WWOX: variants seen among roughly 807,000 people sequenced by gnomAD.
WWOX encodes WW domain-containing oxidoreductase.
In WWOX, 69 loss-of-function variants were observed where a neutral mutation model predicts 46.2. That is an observed-to-expected ratio of 1.49 (90% CI 1.23 to 1.82). The LOEUF is 1.82. Ranked by LOEUF, WWOX falls within the 40% of genes most tolerant of loss-of-function variation. The probability of loss-of-function intolerance (pLI) is 0.00; values close to 1 mark genes in which losing one functional copy is unlikely to be tolerated. For missense variants in WWOX, 919 were observed against 542.6 expected (o/e 1.69, Z -6.89); for synonymous variants, 359 against 202.6 (o/e 1.77, Z -6.56).
chr16:78,863,278 G>A (rs1451927906), intron 8 of WWOX, among the ~76,000 whole-genome samples: 1 of 152,060 alleles, frequency 6.6e-6, no homozygotes, highest in Non-Finnish European at 1.5e-5. Context: ...GTTTTAACTT[G>A]GAAACAATGA....
At chr16:78,414,095 C>A (rs935861080) in intron 6 of WWOX, among the ~76,000 whole-genome samples, 61 of 152,086 alleles carry the variant, frequency 4.0e-4, no homozygotes, top group African/African-American at 1.4e-3. Context: ...CTTCCTGAGG[C>A]AGTGAGTCTC....
chr16:78,773,398 G>T (rs1211011686), intron 8 of WWOX, among the ~76,000 whole-genome samples: 2 of 152,162 alleles, frequency 1.3e-5, no homozygotes, highest in East Asian at 1.9e-4. Context: ...CCCACCCATG[G>T]GTAAGTCATT....
At chr16:78,873,258 A>T (rs1387446794) in intron 8 of WWOX, 1 of 152,242 alleles carries the variant, frequency 6.6e-6, no homozygotes, top group Non-Finnish European at 1.5e-5. Context: ...TTTGTTTTAG[A>T]TAGAGGTTTG....
At chr16:78,117,316 G>C (rs552787375) in intron 4 of WWOX, among the ~76,000 whole-genome samples, 1 of 152,100 alleles carries the variant, frequency 6.6e-6, no homozygotes, top group East Asian at 1.9e-4. Flanking sequence ...CTATTCAAGT[G>C]CCCACAGCTC....
chr16:79,066,243 C>G (rs2048439154), intron 8 of WWOX, among the ~76,000 whole-genome samples: 3 of 152,174 alleles, frequency 2.0e-5, no homozygotes, highest in Non-Finnish European at 4.4e-5. Context: ...TTAAGCCCAC[C>G]TTCCATACCT....
chr16:79,190,862 C>T (rs756380230), intron 8 of WWOX, among the ~76,000 whole-genome samples: 4 of 152,132 alleles, frequency 2.6e-5, no homozygotes, highest in East Asian at 1.9e-4. Context: ...TTACTATCTG[C>T]CCTTTTGCAG....
At chr16:78,338,689 C>T (rs2080946981) in intron 5 of WWOX, among the ~76,000 whole-genome samples, 1 of 121,562 alleles carries the variant, frequency 8.2e-6, no homozygotes, top group African/African-American at 2.8e-5. Context: ...AGGTTGTGCT[C>T]TGTCGTAATT....
Position 78,404,829 on chromosome 16 carries a change from A to C in WWOX, c.605+17881A>C, listed in dbSNP as rs977040406. Among the ~76,000 whole-genome samples the C allele has an allele frequency of 2.0e-5, 3 of 152,316 alleles. No homozygotes were observed. In the East Asian group the frequency reaches 5.8e-4, roughly 29 times the overall value. ...TTATTAAATGTCCCCAGGAAGCCAG[A>C]ACACAGGGCAGTAAAGTGCTGAATG... On this transcript the variant is annotated intron_variant, in intron 6 of 8. Coordinates refer to ENST00000566780, the MANE Select transcript of WWOX (RefSeq NM_016373.4).
chr16:78,236,825 C>G (rs549669029), intron 5 of WWOX, among the ~76,000 whole-genome samples: 1 of 152,120 alleles, frequency 6.6e-6, no homozygotes, highest in African/African-American at 2.4e-5. Flanking sequence ...ACCTGTAATC[C>G]CAGCACTTTG....
At chr16:78,440,612 GTT>G (rs57345113) in intron 8 of WWOX, among the ~76,000 whole-genome samples, 8 of 144,622 alleles carry the variant, frequency 5.5e-5, no homozygotes, top group African/African-American at 1.6e-4. Context: ...AATTTCTGTA[GTT>G]TTTTTTTTTT....
intron 8 of WWOX, among the ~76,000 whole-genome samples, chr16:78,672,123 G>T (rs192525015): frequency 1.6e-4 from 24 of 152,260 alleles, no homozygotes; most frequent in Admixed American, 1.1e-3. Flanking sequence ...TAGGATACCG[G>T]CAGGGCAGCA....
intron 8 of WWOX, among the ~76,000 whole-genome samples, chr16:78,972,124 A>G (rs1018687936): frequency 6.6e-6 from 1 of 152,178 alleles, no homozygotes; most frequent in African/African-American, 2.4e-5. Flanking sequence ...GTCGTCCTGC[A>G]TTGGAGGAGG....
At chr16:78,699,022 A>T (rs2048157319) in intron 8 of WWOX, among the ~76,000 whole-genome samples, 2 of 152,200 alleles carry the variant, frequency 1.3e-5, no homozygotes, top group African/African-American at 4.8e-5. Flanking sequence ...TTTAAATAAA[A>T]TGCCAGATAG....
intron 8 of WWOX, chr16:78,891,306 A>G (rs74560084): frequency 6.6e-6 from 1 of 152,042 alleles, no homozygotes; most frequent in African/African-American, 2.4e-5. Flanking sequence ...GCTTTCTCCT[A>G]AGTTCACCCT....
intron 8 of WWOX, among the ~76,000 whole-genome samples, chr16:78,832,625 C>G (rs1567591590): frequency 6.6e-6 from 1 of 152,164 alleles, no homozygotes; most frequent in African/African-American, 2.4e-5. Context: ...GTCCCTCTCT[C>G]CTTCCTGGAT....
intron 8 of WWOX, among the ~76,000 whole-genome samples, chr16:79,088,050 G>A (rs1052751581): frequency 6.6e-6 from 1 of 152,138 alleles, no homozygotes; most frequent in Admixed American, 6.5e-5. Flanking sequence ...GGTGCATCCT[G>A]GTCTTGGCCT....
intron 5 of WWOX, among the ~76,000 whole-genome samples, chr16:78,319,021 T>C (rs1273282466): frequency 2.0e-5 from 3 of 152,148 alleles, no homozygotes; most frequent in Admixed American, 2.0e-4. Flanking sequence ...TCCTGCGAAG[T>C]TAAAATCAGG....
At chr16:78,325,820 C>A (rs549723532) in intron 5 of WWOX, among the ~76,000 whole-genome samples, 2 of 152,308 alleles carry the variant, frequency 1.3e-5, no homozygotes, top group African/African-American at 4.8e-5. Flanking sequence ...GGTTTGTTTG[C>A]TTTTGCAACT....
At chr16:78,648,865 G>A (rs1567462735) in intron 8 of WWOX, among the ~76,000 whole-genome samples, 1 of 152,068 alleles carries the variant, frequency 6.6e-6, no homozygotes, top group Non-Finnish European at 1.5e-5. Context: ...TTATTATTTG[G>A]GTTCCCTTTG....
Sources: gnomAD v4.1 joint callset for allele counts (sites outside exome capture counted in the v4.1 genomes callset) on GRCh38, gnomAD v4.1.1 for gene constraint, MANE v1.5 for transcripts, NCBI Gene and HGNC (gene_info 2026-07-23, HGNC 2026-07-21) for gene names.